The following PTPRR variants were observed in gnomAD, a reference collection of about 807,000 sequenced individuals.
The protein encoded by PTPRR is receptor-type tyrosine-protein phosphatase R.
Under a neutral mutation model 77.2 loss-of-function variants are expected in PTPRR, and 38 were observed. The observed-to-expected ratio is 0.49, with a 90% confidence interval of 0.38 to 0.65. The LOEUF (loss-of-function observed/expected upper bound fraction) is 0.65. Ranked by LOEUF, PTPRR falls within the 30% of genes least tolerant of loss-of-function variation. The pLI, the probability that PTPRR is intolerant of heterozygous loss-of-function variation, is 0.00. For missense variants in PTPRR, 744 were observed against 799.2 expected (o/e 0.93, Z 0.83); for synonymous variants, 299 against 283.1 (o/e 1.06, Z -0.57).
rs199777308 is a variant in PTPRR, at chr12:70,696,301, ACT to A, written c.1279+1962_1279+1963del. 7.9e-3 allele frequency among the ~76,000 whole-genome samples: 1,202 copies of A among 151,682 alleles called. 12 individuals carry two copies. The highest frequency in any genetic ancestry group is 0.016 in the South Asian group (76 of 4,808). On this transcript the variant is annotated intron_variant, in intron 8 of 13. Coordinates refer to ENST00000283228, the MANE Select transcript of PTPRR (RefSeq NM_002849.4). ...ACTGAGCATAATTACCATTTATATG[ACT>A]CTCGTTTCTAGTCTGTGACCTCCTT...
At chr12:70,759,421 G>A (rs1890636758) in intron 4 of PTPRR, among the ~76,000 whole-genome samples, 1 of 152,086 alleles carries the variant, frequency 6.6e-6, no homozygotes, top group Admixed American at 6.5e-5. Flanking sequence ...ACAGGGTAAG[G>A]AGCATCTTCG....
intron 5 of PTPRR, among the ~76,000 whole-genome samples, chr12:70,751,860 C>G (rs1890410657): frequency 6.6e-6 from 1 of 152,042 alleles, no homozygotes; most frequent in Non-Finnish European, 1.5e-5. Flanking sequence ...TATTAAAGTC[C>G]ATAGTGTAGA....
At position 70,907,767 on chromosome 12, in the gene PTPRR, G is replaced by A. The variant is rs563920733; in HGVS notation, c.58+12566C>T. ...GCCAGCTGAGGTATAGCAATCAGAT[G>A]TCCCCCAGTTTCTGAAGTATTGAGT... is the stretch of plus-strand genomic sequence containing the variant. On this transcript the variant is annotated intron_variant, in intron 1 of 13. Coordinates refer to ENST00000283228, the MANE Select transcript of PTPRR (RefSeq NM_002849.4). Among the ~76,000 whole-genome samples the A allele has an allele frequency of 1.9e-4, 29 of 152,274 alleles. No homozygotes were observed. In the South Asian group the frequency reaches 6.0e-3, roughly 32 times the overall value.
intron 2 of PTPRR, among the ~76,000 whole-genome samples, chr12:70,804,139 C>CTGTGTGTGTGTGTGTGTGTGTGTG (rs58442488): frequency 6.6e-5 from 9 of 137,252 alleles, no homozygotes; most frequent in South Asian, 2.6e-4. Context: ...GTTCCTGGCT[C>CTGTGTGTGTGTGTGTGTGTGTGTG]TGTGTGTGTG....
intron 4 of PTPRR, among the ~76,000 whole-genome samples, chr12:70,759,307 C>T (rs538096510): frequency 2.6e-5 from 4 of 152,074 alleles, no homozygotes; most frequent in Non-Finnish European, 5.9e-5. Flanking sequence ...AATGAAGACA[C>T]AGATCAAATG....
intron 2 of PTPRR, among the ~76,000 whole-genome samples, chr12:70,887,435 G>A (rs1841790942): frequency 7.3e-6 from 1 of 137,298 alleles, no homozygotes; most frequent in South Asian, 2.3e-4. Flanking sequence ...CTGGGCAACA[G>A]AGCGAGACTC....
At chr12:70,679,559 T>C (rs531436558) in intron 10 of PTPRR, among the ~76,000 whole-genome samples, 1 of 152,320 alleles carries the variant, frequency 6.6e-6, no homozygotes, top group East Asian at 1.9e-4. Context: ...TTGCTCTTTA[T>C]ATTTGGGTAC....
chr12:70,874,783 G>T (rs556350957), intron 2 of PTPRR, among the ~76,000 whole-genome samples: 1 of 152,002 alleles, frequency 6.6e-6, no homozygotes, highest in South Asian at 2.1e-4. Context: ...TTAGCTGGGC[G>T]TGGTGGCGTG....
chr12:70,816,126 T>C (rs1053734474), intron 2 of PTPRR, among the ~76,000 whole-genome samples: 23 of 152,296 alleles, frequency 1.5e-4, no homozygotes, highest in African/African-American at 5.3e-4. Flanking sequence ...AATTCATTAT[T>C]CTTTACCTTT....
At chr12:70,877,068 G>GATTTAGGATAAAATAAGAGTGAAA (rs1893063913) in intron 2 of PTPRR, among the ~76,000 whole-genome samples, 1 of 152,202 alleles carries the variant, frequency 6.6e-6, no homozygotes, top group Non-Finnish European at 1.5e-5. Context: ...CTAGTAAGCA[G>GATTTAGGATAAAATAAGAGTGAAA]CCAGCTTTCC....
intron 2 of PTPRR, among the ~76,000 whole-genome samples, chr12:70,779,641 T>C (rs1891161140): frequency 6.6e-6 from 1 of 152,222 alleles, no homozygotes; most frequent in Non-Finnish European, 1.5e-5. Flanking sequence ...CATGTCAGTC[T>C]GGTTCTCTGC....
Position 70,639,233 on chromosome 12 carries a change from T to A in PTPRR, c.1925A>T (p.His642Leu), listed in dbSNP as rs1170928297. 1 of 1,613,608 alleles carries A rather than the reference T, an allele frequency of 6.2e-7. No individual in the cohort carries two copies. The highest frequency in any genetic ancestry group is 2.2e-5 in the East Asian group (1 of 44,874). Residue 642 changes from histidine to leucine, a missense_variant, in exon 14 of 14, where the codon CAT (histidine) becomes CTT (leucine). By Grantham distance (99) the His-to-Leu change is moderately conservative (BLOSUM62 -3). Coordinates refer to ENST00000283228, the MANE Select transcript of PTPRR (RefSeq NM_002849.4). ...TCTGCTCTCATACAGGCACAGAGCA[T>A]GGTGCACAAATTCATACTGCTCACT... ...QTSEQYEFVHHALCLYESRLS... is the reference protein window; with the variant it reads ...QTSEQYEFVHLALCLYESRLS...
chr12:70,729,669 G>A (rs957617795), intron 6 of PTPRR, among the ~76,000 whole-genome samples: 4 of 152,072 alleles, frequency 2.6e-5, no homozygotes, highest in Admixed American at 6.6e-5. Flanking sequence ...AATGAAGGAC[G>A]AAATTAAGCA....
chr12:70,727,089 T>A (rs977611984), intron 6 of PTPRR, among the ~76,000 whole-genome samples: 5 of 152,190 alleles, frequency 3.3e-5, no homozygotes. Context: ...TATTTGATCA[T>A]GTACAGCATA....
chr12:70,806,914 C>G (rs1891720339), intron 2 of PTPRR, among the ~76,000 whole-genome samples: 1 of 152,086 alleles, frequency 6.6e-6, no homozygotes, highest in African/African-American at 2.4e-5. Context: ...TTCTCAAGTC[C>G]CTCCTTTTCT....
intron 8 of PTPRR, among the ~76,000 whole-genome samples, chr12:70,690,006 G>A (rs531089047): frequency 2.0e-5 from 3 of 152,290 alleles, no homozygotes; most frequent in South Asian, 2.1e-4. Flanking sequence ...AGTGATGCGC[G>A]TGACTTTTAG....
chr12:70,686,808 C>G (rs1446650480), intron 8 of PTPRR, among the ~76,000 whole-genome samples: 1 of 152,128 alleles, frequency 6.6e-6, no homozygotes, highest in Non-Finnish European at 1.5e-5. Flanking sequence ...CAATTGAAAT[C>G]TCATGAAAGA....
At chr12:70,755,172 C>G (rs1890530542) in intron 4 of PTPRR, among the ~76,000 whole-genome samples, 1 of 151,954 alleles carries the variant, frequency 6.6e-6, no homozygotes, top group Non-Finnish European at 1.5e-5. Context: ...AACTTGAAAC[C>G]AAATAGTCCA....
intron 2 of PTPRR, among the ~76,000 whole-genome samples, 196 bp from the exon 3 acceptor site, chr12:70,764,974 A>T (rs1287797537): frequency 6.6e-6 from 1 of 152,226 alleles, no homozygotes; most frequent in African/African-American, 2.4e-5. Flanking sequence ...TTATAGGAAC[A>T]TTGCATGTGA....
Sources: gnomAD v4.1 joint callset for allele counts (sites outside exome capture counted in the v4.1 genomes callset) on GRCh38, gnomAD v4.1.1 for gene constraint, MANE v1.5 for transcripts, NCBI Gene and HGNC (gene_info 2026-07-23, HGNC 2026-07-21) for gene names.